MACROD2: variants seen among roughly 807,000 people sequenced by gnomAD.
The protein encoded by MACROD2 is ADP-ribose glycohydrolase MACROD2.
A neutral mutation model predicts 70.4 loss-of-function variants in MACROD2; 36 were observed. The observed-to-expected ratio is 0.51, with a 90% CI of 0.39 to 0.68. The LOEUF (loss-of-function observed/expected upper bound fraction) is 0.68, where lower values mean the gene tolerates loss of function less well. Ranked by LOEUF, MACROD2 falls within the 30% of genes least tolerant of loss-of-function variation. The pLI, the probability that MACROD2 is intolerant of heterozygous loss-of-function variation, is 0.00. For missense variants in MACROD2, 496 were observed against 538.4 expected (o/e 0.92, Z 0.78); for synonymous variants, 172 against 178.8 (o/e 0.96, Z 0.30).
At chr20:15,058,050 A>G (rs924300967) in intron 5 of MACROD2, among the ~76,000 whole-genome samples, 1 of 152,180 alleles carries the variant, frequency 6.6e-6, no homozygotes, top group Non-Finnish European at 1.5e-5. Flanking sequence ...AAGTTGATTT[A>G]AAGTTCACTT....
chr20:14,335,234 A>AGTGTTCATTAGGGTCTT (rs2082915831), intron 3 of MACROD2, among the ~76,000 whole-genome samples: 1 of 152,164 alleles, frequency 6.6e-6, no homozygotes, highest in Non-Finnish European at 1.5e-5. Flanking sequence ...AGAGAGACTG[A>AGTGTTCATTAGGGTCTT]GTGTTCATTA....
chr20:15,467,501 G>A (rs2046909863), intron 7 of MACROD2, among the ~76,000 whole-genome samples: 2 of 152,152 alleles, frequency 1.3e-5, no homozygotes, highest in Non-Finnish European at 2.9e-5. Context: ...CCGTTTTACA[G>A]ATGAGAAAAC....
At chr20:14,586,701 T>C (rs939901796) in intron 4 of MACROD2, among the ~76,000 whole-genome samples, 18 of 152,088 alleles carry the variant, frequency 1.2e-4, no homozygotes, top group Non-Finnish European at 2.2e-4. Context: ...CAAAAGTTAG[T>C]GAATAAATGA....
intron 13 of MACROD2, among the ~76,000 whole-genome samples, chr20:15,979,962 T>C (rs1461373725): frequency 6.6e-6 from 1 of 152,178 alleles, no homozygotes; most frequent in Admixed American, 6.5e-5. Flanking sequence ...GCTACTGCCT[T>C]AAAATCCGAG....
chr20:14,069,576 TA>T (rs1417171223), intron 2 of MACROD2, among the ~76,000 whole-genome samples: 1 of 150,664 alleles, frequency 6.6e-6, no homozygotes, highest in African/African-American at 2.5e-5. Context: ...GAAATGGCAT[TA>T]AAAAAACAGC....
chr20:15,366,430 CT>C (rs777628900), intron 6 of MACROD2, among the ~76,000 whole-genome samples: 17 of 152,114 alleles, frequency 1.1e-4, no homozygotes, highest in Non-Finnish European at 1.9e-4. Context: ...ATTGACACAT[CT>C]TTTTAAAGAA....
chr20:14,051,372 ACTTTT>A (rs2053564670), intron 2 of MACROD2, among the ~76,000 whole-genome samples: 1 of 152,162 alleles, frequency 6.6e-6, no homozygotes, highest in Non-Finnish European at 1.5e-5. Flanking sequence ...TCCAACCTAT[ACTTTT>A]CTTTATAACA....
At chr20:14,588,225 T>C (rs1981516701) in intron 4 of MACROD2, among the ~76,000 whole-genome samples, 1 of 152,196 alleles carries the variant, frequency 6.6e-6, no homozygotes, top group Admixed American at 6.5e-5. Flanking sequence ...TTTTAAATCT[T>C]CTTGAGCTAC....
intron 3 of MACROD2, among the ~76,000 whole-genome samples, chr20:14,210,285 A>G (rs1465750746): frequency 1.3e-5 from 2 of 152,214 alleles, no homozygotes; most frequent in Non-Finnish European, 2.9e-5. Context: ...ATTGGACTAG[A>G]GAAAATACCA....
intron 3 of MACROD2, among the ~76,000 whole-genome samples, chr20:14,178,872 T>A (rs1440770099): frequency 1.3e-5 from 2 of 151,994 alleles, no homozygotes; most frequent in Non-Finnish European, 2.9e-5. Flanking sequence ...CAGCAAGATA[T>A]CCTGTACTTC....
intron 4 of MACROD2, among the ~76,000 whole-genome samples, chr20:14,682,532 A>G (rs928904449): frequency 6.6e-6 from 1 of 151,890 alleles, no homozygotes; most frequent in East Asian, 1.9e-4. Context: ...AATGTTGTAA[A>G]CAAAATGGTA....
chr20:15,097,815 C>T (rs1363153039), intron 5 of MACROD2, among the ~76,000 whole-genome samples: 1 of 152,146 alleles, frequency 6.6e-6, no homozygotes, highest in African/African-American at 2.4e-5. Context: ...AAACACGTAG[C>T]TGGTTTCTAA....
chr20:14,999,750 T>A (rs1280503262), intron 5 of MACROD2, among the ~76,000 whole-genome samples: 1 of 152,240 alleles, frequency 6.6e-6, no homozygotes, highest in Admixed American at 6.5e-5. Context: ...GTTTTTGCAA[T>A]CAGTGTTAAG....
At chr20:14,351,903 T>C (rs1177165407) in intron 3 of MACROD2, among the ~76,000 whole-genome samples, 1 of 152,198 alleles carries the variant, frequency 6.6e-6, no homozygotes, top group Non-Finnish European at 1.5e-5. Context: ...TCATTTGTTC[T>C]ATATCCAGTT....
At chr20:15,338,622 C>T in intron 6 of MACROD2, among the ~76,000 whole-genome samples, 1 of 151,688 alleles carries the variant, frequency 6.6e-6, no homozygotes, top group East Asian at 1.9e-4. Flanking sequence ...ATTTAATCAT[C>T]TGAATAACTC....
chr20:14,874,111 A>G (rs917817329), intron 5 of MACROD2, among the ~76,000 whole-genome samples: 1 of 152,062 alleles, frequency 6.6e-6, no homozygotes, highest in Admixed American at 6.5e-5. Flanking sequence ...GAATATATTT[A>G]TATCTGTCTT....
At chr20:14,232,510 A>G (rs1354885403) in intron 3 of MACROD2, among the ~76,000 whole-genome samples, 2 of 152,216 alleles carry the variant, frequency 1.3e-5, no homozygotes, top group African/African-American at 2.4e-5. Context: ...TTGCTACTTC[A>G]TCTTTCACTT....
At chr20:15,560,775 A>T (rs1247501479) in intron 8 of MACROD2, among the ~76,000 whole-genome samples, 8 of 149,166 alleles carry the variant, frequency 5.4e-5, no homozygotes, top group Non-Finnish European at 1.2e-4. Flanking sequence ...AAAAAAAAAA[A>T]AAAAAAAAAA....
intron 3 of MACROD2, among the ~76,000 whole-genome samples, chr20:14,410,663 T>C (rs1441883253): frequency 6.6e-6 from 1 of 152,196 alleles, no homozygotes; most frequent in Admixed American, 6.5e-5. Context: ...AGCAAGGCCC[T>C]GTTGCCTCCC....
Sources: allele counts gnomAD v4.1 joint callset (sites outside exome capture counted in the v4.1 genomes callset), GRCh38; gene constraint gnomAD v4.1.1; transcripts MANE v1.5; gene names NCBI Gene and HGNC (gene_info 2026-07-23, HGNC 2026-07-21).